The following FLNB variants were observed in gnomAD, a reference collection of about 807,000 sequenced individuals.
FLNB encodes filamin B, also known as filamin-B.
In FLNB, 111 loss-of-function variants were observed where a neutral mutation model predicts 250.6. The observed-to-expected ratio is 0.44, with a 90% CI of 0.38 to 0.52. FLNB has a LOEUF of 0.52. FLNB is among the 20% of genes least tolerant of loss of function. The pLI, the probability that FLNB is intolerant of heterozygous loss-of-function variation, is 0.00. For missense variants in FLNB, 2,869 were observed against 3,447.8 expected (o/e 0.83, Z 4.20); for synonymous variants, 1,302 against 1,372.1 (o/e 0.95, Z 1.13).
Position 58,142,711 on chromosome 3 carries a change from A to G in FLNB, c.5243A>G (p.Asp1748Gly), listed in dbSNP as rs770248489. 4 of 1,614,090 alleles carry G rather than the reference A, an allele frequency of 2.5e-6. No homozygotes were observed. The African/African-American group carries it at 4.0e-5, about 16-fold the overall frequency. Residue 1748 changes from aspartate to glycine, a missense_variant, in exon 31 of 46, where the codon GAC becomes GGC. Transcript: ENST00000295956. The surrounding 1 kb of genome is among the most constrained non-coding windows in gnomAD (Gnocchi z 4.3). ...AACGGCCTGGGATTTAAGCCTTTTG[A>G]CCTGGTCATTCCGTTTGCTGTCAGG... Reference protein sequence around the residue: ...DMNGLGFKPFDLVIPFAVRKG... With the variant: ...DMNGLGFKPFGLVIPFAVRKG...
At chr3:58,079,709 G>T (rs564575679) in intron 3 of FLNB, among the ~76,000 whole-genome samples, 1 of 152,324 alleles carries the variant, frequency 6.6e-6, no homozygotes, top group African/African-American at 2.4e-5. Context: ...ACATTGCTTA[G>T]TTGAAGTCTG....
At chr3:58,014,406 C>A (rs992498097) in intron 1 of FLNB, among the ~76,000 whole-genome samples, 1 of 152,256 alleles carries the variant, frequency 6.6e-6, no homozygotes, top group Non-Finnish European at 1.5e-5. Context: ...AGCCTCCCAC[C>A]CCTTTCAGGA....
chr3:58,100,373 A>AAAAAAAAAAAATATATATATAT, intron 8 of FLNB, among the ~76,000 whole-genome samples: 12 of 104,344 alleles, frequency 1.2e-4, no homozygotes, highest in East Asian at 6.8e-4. Context: ...GTAAAAAAAA[A>AAAAAAAAAAAATATATATATAT]ATATATATAT....
intron 1 of FLNB, among the ~76,000 whole-genome samples, chr3:58,057,747 T>C (rs1195057449): frequency 6.6e-6 from 1 of 152,204 alleles, no homozygotes; most frequent in African/African-American, 2.4e-5. Context: ...ACTTACATTA[T>C]AGTCGATGGA....
In FLNB at chr3:58,081,742, A is replaced by T. The variant is rs2097209499; in HGVS notation, c.753A>T (p.Lys251Asn). The T allele has an allele frequency of 6.2e-7, 1 of 1,613,852 alleles. No individual in the cohort carries two copies. The highest frequency in any genetic ancestry group is 1.3e-5 in the African/African-American group (1 of 74,860). The change falls in exon 4 of 46, where the codon AAA becomes AAT. Residue 251 changes from lysine to asparagine, a missense_variant. By Grantham distance (94) the Lys-to-Asn change is moderately conservative (BLOSUM62 0). Coordinates refer to ENST00000295956, the MANE Select transcript of FLNB (RefSeq NM_001457.4). Reference protein sequence around the residue: ...KLKPGAPLKPKLNPKKARAYG... With the variant: ...KLKPGAPLKPNLNPKKARAYG... The stretch of plus-strand genomic sequence containing the variant: ...AGCCGGGGGCTCCTCTCAAACCCAA[A>T]CTCAACCCGAAGAAAGCCAGGGCCT...
chr3:58,125,627 C>T lies in FLNB; in HGVS notation c.3945C>T (p.Asn1315=), dbSNP rs1300561688. 1.2e-6 allele frequency: 2 copies of T among 1,614,082 alleles called. No individual in the cohort carries two copies. Among genetic ancestry groups the T allele is most frequent in the Non-Finnish European group, 1.7e-6 (2 of 1,180,046 alleles). The part of the protein sequence containing the change: ...EVTYDDVPIP[N]SPFKVAVTEG... The stretch of plus-strand genomic sequence containing the variant: ...CATATGATGACGTGCCTATCCCAAA[C>T]AGTCCCTTCAAGGTGGCTGTCACTG... Residue 1315 remains asparagine, a synonymous_variant, in exon 23 of 46, where the codon AAC becomes AAT. Transcript: ENST00000295956.
Position 58,146,040 on chromosome 3 carries a change from GCAGGAGAAGGTACTGTGT to G in FLNB, c.5546_5554+9del. The G allele has an allele frequency of 6.2e-7, 1 of 1,614,224 alleles. No homozygotes were observed. The highest frequency in any genetic ancestry group is 8.5e-7 in the Non-Finnish European group (1 of 1,180,032). On this transcript the variant is annotated splice_donor_variant and splice_donor_5th_base_variant and coding_sequence_variant and intron_variant, in exon 33 of 46. Coordinates refer to ENST00000295956, the MANE Select transcript of FLNB (RefSeq NM_001457.4). LOFTEE classifies it high-confidence loss of function. ...CACCTTCACCATCGTCACAGAGGATGCAGGAGAAGGTACTGTGTGGTTTACGTGTTTATACGCCTCCAG... is the reference window on the plus strand; with the variant it reads ...CACCTTCACCATCGTCACAGAGGATGGGTTTACGTGTTTATACGCCTCCAG...
chr3:58,139,903 CAG>C (rs2097323657), intron 29 of FLNB, among the ~76,000 whole-genome samples: 1 of 152,120 alleles, frequency 6.6e-6, no homozygotes, highest in African/African-American at 2.4e-5. Context: ...GTGAGAAAGT[CAG>C]AGTAAAAAAA....
At chr3:58,093,977 G>C (rs2097233151) in intron 4 of FLNB, among the ~76,000 whole-genome samples, 1 of 152,156 alleles carries the variant, frequency 6.6e-6, no homozygotes, top group South Asian at 2.1e-4. Flanking sequence ...GTGTGGGTGT[G>C]GTTATGCAAG....
chr3:58,047,191 G>A (rs889873823), intron 1 of FLNB, among the ~76,000 whole-genome samples: 1 of 152,170 alleles, frequency 6.6e-6, no homozygotes, highest in Non-Finnish European at 1.5e-5. Flanking sequence ...GGAAGAAAGT[G>A]TGTTTTCTTT....
intron 1 of FLNB, among the ~76,000 whole-genome samples, chr3:58,074,358 T>C (rs2097198776): frequency 6.6e-6 from 1 of 152,170 alleles, no homozygotes; most frequent in Non-Finnish European, 1.5e-5. Flanking sequence ...CTTGCTCCCC[T>C]AGGAGTTAAG....
At chr3:58,152,047 T>G (rs1352306088) in intron 38 of FLNB, among the ~76,000 whole-genome samples, 5 of 152,240 alleles carry the variant, frequency 3.3e-5, no homozygotes, top group Non-Finnish European at 7.3e-5. Flanking sequence ...TTTGGCAAAA[T>G]TTCTGTGCTC....
chr3:58,075,696 T>C (rs974385646), intron 1 of FLNB, among the ~76,000 whole-genome samples: 2 of 152,082 alleles, frequency 1.3e-5, no homozygotes, highest in African/African-American at 2.4e-5. Context: ...AAAATGTTTA[T>C]TGGGAGGGTA....
At chr3:58,041,484 C>G (rs1046311508) in intron 1 of FLNB, among the ~76,000 whole-genome samples, 1 of 152,144 alleles carries the variant, frequency 6.6e-6, no homozygotes, top group Non-Finnish European at 1.5e-5. Context: ...TGTGGCTGGA[C>G]TCAGAGGACT....
chr3:58,165,731 C>T (rs974217493), intron 43 of FLNB: 3 of 152,102 alleles, frequency 2.0e-5, no homozygotes, highest in Admixed American at 6.6e-5. Context: ...TCTTTGGAGC[C>T]GCTGAGCAAT....
chr3:58,123,325 G>A lies in FLNB; in HGVS notation c.3359G>A (p.Gly1120Glu), dbSNP rs187686169. The A allele has an allele frequency of 6.2e-7, 1 of 1,614,050 alleles. No homozygotes were observed. The highest frequency in any genetic ancestry group is 1.3e-5 in the African/African-American group (1 of 75,000). The change falls in exon 21 of 46, where the codon GGG becomes GAG. Residue 1120 changes from glycine to glutamate, a missense_variant. Gly to Glu is a moderately conservative substitution (Grantham distance 98). Around this residue, in one of 5 missense-constraint regions of FLNB, gnomAD observed 1,348 missense variants for 1,466.7 expected, o/e 0.92. Transcript: ENST00000295956. ...CTCTTTGAAGAAGTCCACATACCTG[G>A]GTCTCCCTTCAAAGCTGACATTGAA... is the stretch of plus-strand genomic sequence containing the variant. Reference protein sequence around the residue: ...NILFEEVHIPGSPFKADIEMP... With the variant: ...NILFEEVHIPESPFKADIEMP...
At chr3:58,109,525 A>T (rs758029089) in intron 14 of FLNB, 51 bp from the exon 15 acceptor site, 1 of 1,613,866 alleles carries the variant, frequency 6.2e-7, no homozygotes, top group Admixed American at 1.7e-5. Flanking sequence ...ATAGTATTTT[A>T]CTGGGTCCAA....
rs2097292438 is a variant in FLNB, at chr3:58,123,506, C to G, written c.3540C>G (p.Val1180=). The part of the protein sequence containing the change: ...AVSDSGTKAE[V]SIQNNKDGTY... ...CGGACTCGGGAACAAAAGCCGAAGT[C>G]AGTATTCAGAACAACAAAGATGGCA... The change falls in exon 21 of 46, where the codon GTC becomes GTG. Residue 1180 remains valine, a synonymous_variant. Coordinates refer to ENST00000295956, the MANE Select transcript of FLNB (RefSeq NM_001457.4). 1 of 1,604,208 alleles carries G rather than the reference C, an allele frequency of 6.2e-7. No individual in the cohort carries two copies. Among genetic ancestry groups the G allele is most frequent in the East Asian group, 2.2e-5 (1 of 44,700 alleles).
intron 1 of FLNB, among the ~76,000 whole-genome samples, chr3:58,042,371 C>T (rs1380214324): frequency 3.4e-5 from 5 of 145,490 alleles, no homozygotes; most frequent in Admixed American, 6.8e-5. Flanking sequence ...TTTTAAAGTC[C>T]GGGTCTTACT....
Sources: gnomAD v4.1 joint callset for allele counts (sites outside exome capture counted in the v4.1 genomes callset) on GRCh38, gnomAD v4.1.1 for gene constraint, gnomAD v4.1.1 regional missense constraint, Gnocchi (gnomAD v3.1) non-coding constraint, MANE v1.5 for transcripts, NCBI Gene and HGNC (gene_info 2026-07-23, HGNC 2026-07-21) for gene names.